KDM4C: variants seen among roughly 807,000 people sequenced by gnomAD.
KDM4C encodes the protein lysine-specific demethylase 4C.
A neutral mutation model predicts 129.3 loss-of-function variants in KDM4C; 81 were observed. That is an observed-to-expected ratio of 0.63 (90% CI 0.52 to 0.75). KDM4C has a LOEUF of 0.75. KDM4C is among the 30% of genes least tolerant of loss of function. The pLI, the probability that KDM4C is intolerant of heterozygous loss-of-function variation, is 0.00. For missense variants in KDM4C, 1,457 were observed against 1,304.0 expected (o/e 1.12, Z -1.81); for synonymous variants, 573 against 456.1 (o/e 1.26, Z -3.26).
At chr9:6,854,022 A>G (rs1490122045) in intron 5 of KDM4C, among the ~76,000 whole-genome samples, 1 of 152,206 alleles carries the variant, frequency 6.6e-6, no homozygotes, top group East Asian at 1.9e-4. Context: ...TTTAATAACC[A>G]TGAAAATAAT....
Position 6,882,078 on chromosome 9 carries a change from C to T in KDM4C, c.679+2017C>T, listed in dbSNP as rs567071292. ...CTGTGGCACCTACAAATATTTTATC[C>T]AAAAGACATTAGGCCTGCATCTAAT... is the stretch of plus-strand genomic sequence containing the variant. On this transcript the variant is annotated intron_variant, in intron 6 of 21. Transcript: ENST00000381309. Among the ~76,000 whole-genome samples the T allele has an allele frequency of 3.3e-5, 5 of 152,260 alleles. No homozygotes were observed. The South Asian group carries it at 1.0e-3, about 32-fold the overall frequency.
rs551900611 is a variant in KDM4C, at chr9:6,751,081, G to A, written c.49+30084G>A. Among the ~76,000 whole-genome samples the A allele has an allele frequency of 8.5e-5, 13 of 152,302 alleles. No individual in the cohort carries two copies. The South Asian group carries it at 2.3e-3, about 27-fold the overall frequency. Reference sequence around the variant, plus strand: ...AGAGAGTGAAAGCAGAAGCTGCAATGTATCTAATGTCTAGCTTTGGAAGTC... The same window carrying A: ...AGAGAGTGAAAGCAGAAGCTGCAATATATCTAATGTCTAGCTTTGGAAGTC... On this transcript the variant is annotated intron_variant, in intron 1 of 17. Transcript: ENST00000536108.
intron 17 of KDM4C, among the ~76,000 whole-genome samples, chr9:7,088,788 G>A (rs1212874716): frequency 6.6e-6 from 1 of 152,034 alleles, no homozygotes; most frequent in African/African-American, 2.4e-5. Flanking sequence ...AATGGGCTTG[G>A]ATTGGAAGCT....
chr9:6,930,404 A>G (rs1823454341), intron 8 of KDM4C, among the ~76,000 whole-genome samples: 1 of 151,978 alleles, frequency 6.6e-6, no homozygotes. Context: ...ATATGTGGAA[A>G]ATAAAGCACG....
chr9:7,140,745 A>G (rs1229888038), intron 19 of KDM4C, among the ~76,000 whole-genome samples: 2 of 152,222 alleles, frequency 1.3e-5, no homozygotes, highest in Non-Finnish European at 2.9e-5. Context: ...TAGCAGTAAA[A>G]TTCGAATGGT....
In KDM4C at chr9:7,054,265, A is replaced by G. The variant is rs147621197; in HGVS notation, c.2424+5065A>G. ...GGTGTGCCTGAGGACTGAAAGAAAAAGAATTGACCCCAAGTGGTATAGATT... is the reference window on the plus strand; with the variant it reads ...GGTGTGCCTGAGGACTGAAAGAAAAGGAATTGACCCCAAGTGGTATAGATT... On this transcript the variant is annotated intron_variant, in intron 17 of 21. Transcript: ENST00000381309. 3.2e-3 allele frequency among the ~76,000 whole-genome samples: 488 copies of G among 152,330 alleles called. 2 individuals are homozygous for G. The highest frequency in any genetic ancestry group is 0.01 in the African/African-American group (429 of 41,578).
At chr9:6,949,214 C>T (rs186654041) in intron 8 of KDM4C, among the ~76,000 whole-genome samples, 17,616 of 145,362 alleles carry the variant, frequency 0.12, 1,367 homozygotes, top group Non-Finnish European at 0.18. Context: ...TCAGACGGGG[C>T]GGCCGGGCAG....
chr9:6,803,461 T>C (rs753996763), intron 2 of KDM4C, among the ~76,000 whole-genome samples: 1 of 151,598 alleles, frequency 6.6e-6, no homozygotes, highest in Non-Finnish European at 1.5e-5. Context: ...TCCCAGCTAC[T>C]TGGGAGGCTG....
At chr9:6,865,177 T>G (rs1255258499) in intron 5 of KDM4C, among the ~76,000 whole-genome samples, 3 of 151,844 alleles carry the variant, frequency 2.0e-5, no homozygotes, top group Admixed American at 6.6e-5. Flanking sequence ...CCTGGCTAAT[T>G]TTTTGTATTT....
intron 1 of KDM4C, among the ~76,000 whole-genome samples, chr9:6,749,338 T>A (rs1177069468): frequency 1.3e-5 from 2 of 152,166 alleles, no homozygotes; most frequent in East Asian, 3.9e-4. Flanking sequence ...TAAAAAGGTG[T>A]CAGGATATCA....
chr9:7,112,623 C>T (rs1037441894), intron 18 of KDM4C, among the ~76,000 whole-genome samples: 2 of 152,180 alleles, frequency 1.3e-5, no homozygotes, highest in African/African-American at 4.8e-5. Flanking sequence ...CATCTAATGC[C>T]AGTGAGCTTG....
intron 5 of KDM4C, 52 bp downstream of exon 5, chr9:6,849,752 T>C (rs1838494404): frequency 7.3e-7 from 1 of 1,372,830 alleles, no homozygotes; most frequent in African/African-American, 1.4e-5. Context: ...AATTTGGGCA[T>C]CAGGCACATA....
At chr9:7,137,230 G>C (rs984819965) in intron 19 of KDM4C, among the ~76,000 whole-genome samples, 3 of 152,204 alleles carry the variant, frequency 2.0e-5, no homozygotes, top group Admixed American at 2.0e-4. Context: ...GTTGGGAAAT[G>C]TCTCCAGTGG....
intron 5 of KDM4C, among the ~76,000 whole-genome samples, chr9:6,855,962 A>T (rs1839735844): frequency 6.6e-6 from 1 of 152,128 alleles, no homozygotes; most frequent in Non-Finnish European, 1.5e-5. Flanking sequence ...GCTGGCCATG[A>T]ACTCCTGGGT....
intron 7 of KDM4C, among the ~76,000 whole-genome samples, chr9:6,891,659 G>A (rs1186181458): frequency 6.6e-6 from 1 of 152,098 alleles, no homozygotes; most frequent in South Asian, 2.1e-4. Context: ...TTTATGGTAT[G>A]TGAATTACAT....
intron 21 of KDM4C, among the ~76,000 whole-genome samples, chr9:7,171,688 A>T (rs985830133): frequency 6.6e-6 from 1 of 152,022 alleles, no homozygotes; most frequent in East Asian, 1.9e-4. Flanking sequence ...TCTGATCACA[A>T]TCTCTTTGTT....
chr9:6,831,346 C>G (rs1482947170), intron 4 of KDM4C, among the ~76,000 whole-genome samples: 1 of 151,286 alleles, frequency 6.6e-6, no homozygotes, highest in South Asian at 2.1e-4. Flanking sequence ...CTTCTGCTTT[C>G]TTTATGATGA....
At chr9:7,039,306 C>G (rs942884406) in intron 15 of KDM4C, among the ~76,000 whole-genome samples, 4 of 151,982 alleles carry the variant, frequency 2.6e-5, no homozygotes, top group African/African-American at 9.7e-5. Flanking sequence ...TTATTCAGCT[C>G]TGTCTTTCTC....
intron 8 of KDM4C, among the ~76,000 whole-genome samples, chr9:6,897,926 T>TA (rs1816718666): frequency 6.6e-6 from 1 of 152,138 alleles, no homozygotes; most frequent in African/African-American, 2.4e-5. Context: ...AGCTGACTGT[T>TA]TTCTGTTTCT....
Sources: gnomAD v4.1 joint callset for allele counts (sites outside exome capture counted in the v4.1 genomes callset) on GRCh38, gnomAD v4.1.1 for gene constraint, MANE v1.5 for transcripts, NCBI Gene and HGNC (gene_info 2026-07-23, HGNC 2026-07-21) for gene names.